SH3PXD2A: variants seen among roughly 807,000 people sequenced by gnomAD.
The protein encoded by SH3PXD2A is SH3 and PX domain-containing protein 2A.
Under a neutral mutation model 115.2 loss-of-function variants are expected in SH3PXD2A, and 32 were observed. The observed-to-expected ratio is 0.28, with a 90% CI of 0.21 to 0.37. The LOEUF (loss-of-function observed/expected upper bound fraction) is 0.37, where lower values mean the gene tolerates loss of function less well. Ranked by LOEUF, SH3PXD2A falls within the 10% of genes least tolerant of loss-of-function variation. The probability of loss-of-function intolerance (pLI) is 1.00; values close to 1 mark genes in which losing one functional copy is unlikely to be tolerated. For missense variants in SH3PXD2A, 1,328 were observed against 1,498.7 expected, an observed-to-expected ratio of 0.89 and a Z score of 1.88; for synonymous variants, 610 against 629.1, an observed-to-expected ratio of 0.97 and a Z score of 0.45.
At chr10:103,782,042 C>G (rs1399475644) in intron 2 of SH3PXD2A, among the ~76,000 whole-genome samples, 5 of 152,212 alleles carry the variant, frequency 3.3e-5, no homozygotes, top group African/African-American at 1.2e-4. Flanking sequence ...TGCAACAGGG[C>G]TCCTCACAAA....
At position 103,599,673 on chromosome 10, in the gene SH3PXD2A, A is replaced by G. The variant is rs776471610; in HGVS notation, c.*2143T>C. 2.0e-5 allele frequency: 3 copies of G among 152,654 alleles called. No individual in the cohort carries two copies. The highest frequency in any genetic ancestry group is 4.4e-5 in the Non-Finnish European group (3 of 68,036). The allele number at this position is 152,654 out of a possible 1,614,324, so 9.5% of individuals were successfully genotyped here. ...CATTCTACCTTATTTAAAGTGCATTAATTAAAAAATAATGAACCACTTCTT... is the reference window on the plus strand; with the variant it reads ...CATTCTACCTTATTTAAAGTGCATTGATTAAAAAATAATGAACCACTTCTT... On this transcript the variant is annotated 3_prime_UTR_variant, in exon 15 of 15. Coordinates refer to ENST00000369774, the MANE Select transcript of SH3PXD2A (RefSeq NM_001394015.1).
chr10:103,843,090 A>T (rs2039615916), intron 1 of SH3PXD2A, among the ~76,000 whole-genome samples: 2 of 152,218 alleles, frequency 1.3e-5, no homozygotes, highest in South Asian at 4.1e-4. Flanking sequence ...TTTATGGAAC[A>T]GTTATCATAT....
At chr10:103,773,974 G>A (rs1241029128) in intron 2 of SH3PXD2A, among the ~76,000 whole-genome samples, 3 of 151,956 alleles carry the variant, frequency 2.0e-5, no homozygotes, top group Non-Finnish European at 2.9e-5. Context: ...GCCTCAAGTG[G>A]TCCTCCTGTC....
chr10:103,629,638 CAA>C (rs1463397262), intron 8 of SH3PXD2A, among the ~76,000 whole-genome samples: 6 of 152,200 alleles, frequency 3.9e-5, no homozygotes, highest in Non-Finnish European at 8.8e-5. Context: ...TTTGGATAAA[CAA>C]GAGGCGCCAT....
At chr10:103,846,928 C>A (rs1386239116) in intron 1 of SH3PXD2A, among the ~76,000 whole-genome samples, 1 of 152,240 alleles carries the variant, frequency 6.6e-6, no homozygotes, top group Non-Finnish European at 1.5e-5. Context: ...GCTCTCTGAG[C>A]CTTTGTGCTG....
chr10:103,757,229 T>C (rs1443792746), intron 3 of SH3PXD2A, among the ~76,000 whole-genome samples: 1 of 152,166 alleles, frequency 6.6e-6, no homozygotes, highest in African/African-American at 2.4e-5. Context: ...ATCATGCCTG[T>C]CACTTTCTGG....
chr10:103,786,143 C>G (rs979128820), intron 2 of SH3PXD2A, among the ~76,000 whole-genome samples: 3 of 152,198 alleles, frequency 2.0e-5, no homozygotes, highest in Non-Finnish European at 4.4e-5. Context: ...CCCTTCTGCT[C>G]TGTAGCTGAA....
chr10:103,769,186 G>GCACA lies in SH3PXD2A; in HGVS notation c.154-2018_154-2017insTGTG, dbSNP rs1564884565. On this transcript the variant is annotated intron_variant, in intron 2 of 14. Transcript: ENST00000369774. The stretch of plus-strand genomic sequence containing the variant: ...TGTGTGTGTGTGTGTGTGTGTGCGC[G>GCACA]CGCGCGCGCATTTATTTCCATCCAT... Among the ~76,000 whole-genome samples the GCACA allele has an allele frequency of 5.3e-3, 790 of 149,062 alleles. 7 individuals carry two copies. Among genetic ancestry groups the GCACA allele is most frequent in the African/African-American group, 0.019 (754 of 39,402 alleles).
At chr10:103,615,857 G>T (rs1445960498) in intron 11 of SH3PXD2A, among the ~76,000 whole-genome samples, 1 of 152,142 alleles carries the variant, frequency 6.6e-6, no homozygotes, top group Non-Finnish European at 1.5e-5. Flanking sequence ...TCAACTCATG[G>T]CTGGTGGGTG....
intron 1 of SH3PXD2A, among the ~76,000 whole-genome samples, chr10:103,807,022 A>G (rs1408414014): frequency 6.6e-6 from 1 of 152,168 alleles, no homozygotes; most frequent in East Asian, 1.9e-4. Context: ...AGGCCCACCA[A>G]TGTCTGAGGT....
intron 6 of SH3PXD2A, chr10:103,678,059 A>G: frequency 8.2e-7 from 1 of 1,212,476 alleles, no homozygotes; most frequent in Non-Finnish European, 1.1e-6. Flanking sequence ...ATGCCCTTCA[A>G]AGAGATTTTT....
At chr10:103,713,569 C>T (rs573335129) in intron 5 of SH3PXD2A, among the ~76,000 whole-genome samples, 5 of 152,372 alleles carry the variant, frequency 3.3e-5, no homozygotes, top group Admixed American at 6.5e-5. Flanking sequence ...ATGCCCTCCT[C>T]TGCCACTCTC....
intron 14 of SH3PXD2A, among the ~76,000 whole-genome samples, chr10:103,605,583 C>G (rs895707570): frequency 6.6e-6 from 1 of 152,198 alleles, no homozygotes; most frequent in African/African-American, 2.4e-5. Context: ...GAGACAAGCC[C>G]TGTGAGCTCA....
chr10:103,656,503 G>A (rs528763815), intron 8 of SH3PXD2A, among the ~76,000 whole-genome samples: 124 of 152,322 alleles, frequency 8.1e-4, no homozygotes, highest in African/African-American at 2.9e-3. Context: ...AAGGCAGGCT[G>A]GTCTACAGTT....
intron 5 of SH3PXD2A, among the ~76,000 whole-genome samples, chr10:103,700,537 G>C (rs2037880304): frequency 6.6e-6 from 1 of 152,212 alleles, no homozygotes; most frequent in Non-Finnish European, 1.5e-5. Flanking sequence ...ACAGGCCTGG[G>C]TTCCCATCAG....
At chr10:103,683,010 G>A (rs2037630863) in intron 6 of SH3PXD2A, among the ~76,000 whole-genome samples, 1 of 152,064 alleles carries the variant, frequency 6.6e-6, no homozygotes, top group Non-Finnish European at 1.5e-5. Context: ...CTCATCTCCT[G>A]CTCTACCCTC....
intron 1 of SH3PXD2A, among the ~76,000 whole-genome samples, chr10:103,828,239 C>T (rs1041653256): frequency 6.6e-6 from 1 of 152,170 alleles, no homozygotes. Flanking sequence ...GTGCCAGGTC[C>T]CAAATCAGCT....
chr10:103,613,930 T>C (rs2133933162), intron 11 of SH3PXD2A, among the ~76,000 whole-genome samples: 1 of 152,196 alleles, frequency 6.6e-6, no homozygotes, highest in Admixed American at 6.5e-5. Context: ...CCAGGCTAAA[T>C]TTACTGTAGT....
intron 5 of SH3PXD2A, among the ~76,000 whole-genome samples, chr10:103,716,720 T>C (rs988808980): frequency 4.6e-5 from 7 of 151,934 alleles, no homozygotes; most frequent in Non-Finnish European, 7.4e-5. Context: ...GCAGGGCAGA[T>C]CAGCTCAGCC....
Sources: gnomAD v4.1 joint callset for allele counts (sites outside exome capture counted in the v4.1 genomes callset) on GRCh38, gnomAD v4.1.1 for gene constraint, MANE v1.5 for transcripts, NCBI Gene and HGNC (gene_info 2026-07-23, HGNC 2026-07-21) for gene names.